The following CNTN1 variants were observed in gnomAD, a reference collection of about 807,000 sequenced individuals.
CNTN1 encodes contactin 1, also known as contactin-1.
A neutral mutation model predicts 126.4 loss-of-function variants in CNTN1; 38 were observed. The ratio of observed to expected loss-of-function variants is 0.30; its 90% confidence interval spans 0.23 to 0.39. The LOEUF (loss-of-function observed/expected upper bound fraction) is 0.39, where lower values mean the gene tolerates loss of function less well. Among genes scored for constraint, CNTN1 ranks in the 10% least tolerant of loss-of-function variants. The probability of loss-of-function intolerance (pLI) is 1.00; values close to 1 mark genes in which losing one functional copy is unlikely to be tolerated. For synonymous variants in CNTN1, 413 were observed against 422.6 expected (o/e 0.98, Z 0.28); for missense variants, 1,009 against 1,248.4 (o/e 0.81, Z 2.89).
At chr12:40,830,821 A>G (rs1362947249) in intron 1 of CNTN1, among the ~76,000 whole-genome samples, 2 of 126,008 alleles carry the variant, frequency 1.6e-5, no homozygotes, top group African/African-American at 3.0e-5. Flanking sequence ...ATATATATAT[A>G]TATATATATA....
At chr12:40,712,976 A>G (rs1444061737) in intron 1 of CNTN1, among the ~76,000 whole-genome samples, 1 of 152,090 alleles carries the variant, frequency 6.6e-6, no homozygotes, top group Admixed American at 6.5e-5. Flanking sequence ...TGGTTGTTAA[A>G]AAAAAGTCTG....
At chr12:40,937,873 A>T (rs969843747) in intron 11 of CNTN1, among the ~76,000 whole-genome samples, 186 bp downstream of exon 11, 1 of 152,196 alleles carries the variant, frequency 6.6e-6, no homozygotes, top group Non-Finnish European at 1.5e-5. Flanking sequence ...AATAGAATGA[A>T]TCTTTGCCAC....
chr12:40,814,873 T>C (rs1005759465), intron 1 of CNTN1, among the ~76,000 whole-genome samples: 25 of 152,178 alleles, frequency 1.6e-4, no homozygotes, highest in African/African-American at 6.0e-4. Context: ...TTTATTTCGT[T>C]GAGCAGCAGT....
intron 1 of CNTN1, among the ~76,000 whole-genome samples, chr12:40,869,819 A>G (rs1008724191): frequency 6.6e-6 from 1 of 152,140 alleles, no homozygotes; most frequent in African/African-American, 2.4e-5. Flanking sequence ...AATTATTTTG[A>G]GTTTCAAAGG....
At chr12:40,902,401 T>C (rs1463856557) in intron 1 of CNTN1, among the ~76,000 whole-genome samples, 2 of 152,204 alleles carry the variant, frequency 1.3e-5, no homozygotes, top group Non-Finnish European at 2.9e-5. Flanking sequence ...TCTGGAATAA[T>C]ATGTGCTTAA....
At chr12:40,745,994 T>C (rs1938165341) in intron 1 of CNTN1, among the ~76,000 whole-genome samples, 2 of 152,180 alleles carry the variant, frequency 1.3e-5, no homozygotes, top group Admixed American at 6.5e-5. Context: ...TAGGTAGTCC[T>C]ATTTATGAAA....
intron 3 of CNTN1, among the ~76,000 whole-genome samples, chr12:40,913,521 T>A (rs2051631360): frequency 6.6e-6 from 1 of 152,212 alleles, no homozygotes; most frequent in Admixed American, 6.5e-5. Flanking sequence ...TCTTACAACA[T>A]GCTTATGTAA....
intron 1 of CNTN1, among the ~76,000 whole-genome samples, chr12:40,904,208 T>C (rs964225633): frequency 1.3e-4 from 19 of 151,818 alleles, no homozygotes; most frequent in East Asian, 7.8e-4. Context: ...TTAGTAGAGA[T>C]GGGGTTTCAC....
At chr12:41,014,781 A>C (rs1034815109) in intron 18 of CNTN1, among the ~76,000 whole-genome samples, 10 of 152,310 alleles carry the variant, frequency 6.6e-5, no homozygotes, top group Middle Eastern at 3.4e-3. Flanking sequence ...TGAGGTATCC[A>C]AAGCATTTTA....
chr12:40,937,790 T>G (rs1429575089), intron 11 of CNTN1, 103 bp downstream of exon 11: 2 of 782,002 alleles, frequency 2.6e-6, no homozygotes, highest in Admixed American at 1.7e-5. Flanking sequence ...TTGTGTTAGG[T>G]GTACAACATA....
At chr12:40,827,260 C>A (rs1941644629) in intron 1 of CNTN1, among the ~76,000 whole-genome samples, 1 of 151,788 alleles carries the variant, frequency 6.6e-6, no homozygotes. Flanking sequence ...GAACCACTGA[C>A]ACACCCAGAG....
chr12:41,042,433 C>A (rs1208134775), intron 23 of CNTN1, among the ~76,000 whole-genome samples: 1 of 151,952 alleles, frequency 6.6e-6, no homozygotes, highest in Admixed American at 6.6e-5. Flanking sequence ...TCTATTAGGT[C>A]CGCTTGGTGC....
chr12:40,913,942 G>T (rs1033516251), intron 3 of CNTN1, among the ~76,000 whole-genome samples: 19 of 152,086 alleles, frequency 1.2e-4, no homozygotes, highest in Admixed American at 1.2e-3. Context: ...AAATGTATTT[G>T]CATTAAAAGC....
chr12:41,019,454 T>C (rs1948856970), intron 19 of CNTN1, among the ~76,000 whole-genome samples: 1 of 152,212 alleles, frequency 6.6e-6, no homozygotes, highest in African/African-American at 2.4e-5. Flanking sequence ...TGCTGAGAAA[T>C]CAATCATAGT....
intron 1 of CNTN1, among the ~76,000 whole-genome samples, chr12:40,855,945 A>G (rs1942891944): frequency 6.6e-6 from 1 of 152,180 alleles, no homozygotes; most frequent in African/African-American, 2.4e-5. Flanking sequence ...CACTTTCTCA[A>G]TAGCCATACC....
At chr12:40,844,783 A>G (rs1429463882) in intron 1 of CNTN1, among the ~76,000 whole-genome samples, 1 of 152,242 alleles carries the variant, frequency 6.6e-6, no homozygotes, top group Non-Finnish European at 1.5e-5. Context: ...AAAGTGTAAT[A>G]ATAATTGAAA....
chr12:40,881,043 A>G (rs559537564), intron 1 of CNTN1, among the ~76,000 whole-genome samples: 13 of 151,978 alleles, frequency 8.6e-5, no homozygotes, highest in Non-Finnish European at 1.9e-4. Context: ...CCTCCTGTGA[A>G]TAGAAGAATT....
intron 22 of CNTN1, 150 bp from the exon 23 acceptor site, chr12:41,028,913 C>T: frequency 3.9e-6 from 3 of 768,522 alleles, no homozygotes; most frequent in Admixed American, 2.6e-5. Flanking sequence ...TGATTTTTTT[C>T]ATCTAGTTTT....
chr12:41,036,191 T>C (rs1949258542), intron 23 of CNTN1, among the ~76,000 whole-genome samples: 1 of 151,640 alleles, frequency 6.6e-6, no homozygotes, highest in Admixed American at 6.6e-5. Context: ...GGTTAAAGAG[T>C]GTATGTGAAG....
Sources: gnomAD v4.1 joint callset for allele counts (sites outside exome capture counted in the v4.1 genomes callset) on GRCh38, gnomAD v4.1.1 for gene constraint, MANE v1.5 for transcripts, NCBI Gene and HGNC (gene_info 2026-07-23, HGNC 2026-07-21) for gene names.